The following ARHGAP20 variants were observed in gnomAD, a reference collection of about 807,000 sequenced individuals.
The protein encoded by ARHGAP20 is rho GTPase-activating protein 20.
In ARHGAP20, 34 loss-of-function variants were observed where a neutral mutation model predicts 73.7. The observed-to-expected ratio is 0.46, with a 90% CI of 0.35 to 0.61. ARHGAP20 has a LOEUF of 0.61. ARHGAP20 is among the 20% of genes least tolerant of loss of function. The probability of loss-of-function intolerance (pLI) is 0.00; values close to 1 mark genes in which losing one functional copy is unlikely to be tolerated. For missense variants in ARHGAP20, 1,314 were observed against 1,420.9 expected, an observed-to-expected ratio of 0.92 and a Z score of 1.21; for synonymous variants, 523 against 518.2, an observed-to-expected ratio of 1.01 and a Z score of -0.13.
At chr11:110,691,093 G>A in intron 1 of ARHGAP20, 1 of 1,060,906 alleles carries the variant, frequency 9.4e-7, no homozygotes, top group East Asian at 2.7e-5. Context: ...CAAAAGCACA[G>A]AGACTAGATT....
At chr11:110,628,362 C>G (rs368096317) in intron 3 of ARHGAP20, among the ~76,000 whole-genome samples, 3 of 152,264 alleles carry the variant, frequency 2.0e-5, no homozygotes, top group African/African-American at 7.2e-5. Flanking sequence ...TTTGGAATTA[C>G]AGGGACTATT....
intron 4 of ARHGAP20, among the ~76,000 whole-genome samples, chr11:110,616,819 AATCTG>A (rs1314007104): frequency 6.6e-6 from 1 of 152,072 alleles, no homozygotes; most frequent in Non-Finnish European, 1.5e-5. Flanking sequence ...ATTTAGCAAA[AATCTG>A]TTGAGAAACA....
chr11:110,624,009 A>G (rs1948683119), intron 4 of ARHGAP20, among the ~76,000 whole-genome samples, 153 bp downstream of exon 4: 1 of 152,252 alleles, frequency 6.6e-6, no homozygotes, highest in South Asian at 2.1e-4. Context: ...GTATGTGTCA[A>G]CAGATGAGTT....
intron 2 of ARHGAP20, among the ~76,000 whole-genome samples, chr11:110,648,792 T>A (rs546263399): frequency 1.3e-5 from 2 of 152,200 alleles, no homozygotes; most frequent in Non-Finnish European, 2.9e-5. Context: ...CCATGAAATG[T>A]TTTTAAGTCA....
chr11:110,649,970 A>G (rs1207615080), intron 2 of ARHGAP20, among the ~76,000 whole-genome samples: 1 of 152,118 alleles, frequency 6.6e-6, no homozygotes, highest in Non-Finnish European at 1.5e-5. Flanking sequence ...AATTACCTAC[A>G]TTTCTTGATC....
At chr11:110,603,250 C>A (rs967577397) in intron 9 of ARHGAP20, among the ~76,000 whole-genome samples, 1 of 152,112 alleles carries the variant, frequency 6.6e-6, no homozygotes, top group Admixed American at 6.5e-5. Context: ...CTCAGCACTG[C>A]TAGAGTTTCA....
At chr11:110,678,580 A>G (rs1949978474) in intron 2 of ARHGAP20, among the ~76,000 whole-genome samples, 1 of 152,226 alleles carries the variant, frequency 6.6e-6, no homozygotes, top group Non-Finnish European at 1.5e-5. Flanking sequence ...TAACTTGAAG[A>G]TTACTCTATT....
chr11:110,600,962 T>C (rs1948096020), intron 9 of ARHGAP20, among the ~76,000 whole-genome samples: 1 of 152,220 alleles, frequency 6.6e-6, no homozygotes, highest in African/African-American at 2.4e-5. Context: ...TGGCAATGAC[T>C]ATCTCACCAA....
chr11:110,665,869 T>C (rs1949713078), intron 2 of ARHGAP20, among the ~76,000 whole-genome samples: 1 of 152,072 alleles, frequency 6.6e-6, no homozygotes, highest in Non-Finnish European at 1.5e-5. Context: ...CTAATGAATA[T>C]AAGGCAAAGA....
chr11:110,635,301 C>T (rs768228726), intron 2 of ARHGAP20, among the ~76,000 whole-genome samples: 5 of 152,050 alleles, frequency 3.3e-5, no homozygotes, highest in African/African-American at 4.8e-5. Flanking sequence ...AATGCAAATT[C>T]TCGGGCCTTC....
chr11:110,703,329 A>C (rs1950493038), intron 1 of ARHGAP20, among the ~76,000 whole-genome samples: 1 of 152,212 alleles, frequency 6.6e-6, no homozygotes, highest in African/African-American at 2.4e-5. Flanking sequence ...TAAACATAAT[A>C]ATCTATGTAA....
intron 10 of ARHGAP20, 127 bp downstream of exon 10, chr11:110,591,850 T>A (rs922693512): frequency 4.2e-6 from 4 of 950,662 alleles, no homozygotes; most frequent in Non-Finnish European, 6.2e-6. Context: ...GGAGGAATAA[T>A]AGTGAAGATT....
At chr11:110,631,765 G>A (rs1008641844) in intron 2 of ARHGAP20, among the ~76,000 whole-genome samples, 4 of 152,142 alleles carry the variant, frequency 2.6e-5, no homozygotes, top group African/African-American at 9.7e-5. Context: ...CTCATACTGT[G>A]AGGGATTTAC....
rs1484961509 is a variant in ARHGAP20, at chr11:110,611,469, C to T, written c.631-83G>A. On this transcript the variant is annotated intron_variant, in intron 6 of 14. Coordinates refer to ENST00000683387, the MANE Select transcript of ARHGAP20 (RefSeq NM_001384657.1). ...CAAATAATCATTGTCAAATGATTAT[C>T]GAAAGGCAAATATTGATTTCAAATG... 19 of 663,276 alleles carry T rather than the reference C, an allele frequency of 2.9e-5. No homozygotes were observed. The Admixed American group carries it at 2.9e-4, about 10-fold the overall frequency. The allele number at this position is 663,276 out of a possible 1,614,324, so 41.1% of individuals were successfully genotyped here. A position where few individuals can be genotyped will look rare whatever the true frequency, so the allele number is the denominator to read the frequency against.
At chr11:110,583,470 T>C (rs544744773) in intron 13 of ARHGAP20, 78 bp downstream of exon 13, 3 of 1,267,804 alleles carry the variant, frequency 2.4e-6, no homozygotes, top group Admixed American at 2.8e-5. Context: ...TAAGAAATCA[T>C]CTTTTAGAAT....
chr11:110,700,824 G>A (rs1361845291), intron 1 of ARHGAP20, among the ~76,000 whole-genome samples: 1 of 146,052 alleles, frequency 6.8e-6, no homozygotes, highest in Non-Finnish European at 1.5e-5. Context: ...CCACCTAAGA[G>A]TGAGAATATG....
At chr11:110,609,113 A>G in intron 7 of ARHGAP20, 63 bp from the exon 8 acceptor site, 2 of 1,490,094 alleles carry the variant, frequency 1.3e-6, no homozygotes, top group Non-Finnish European at 1.8e-6. Flanking sequence ...GAATGAGGAC[A>G]CATTTTTTTT....
intron 2 of ARHGAP20, among the ~76,000 whole-genome samples, chr11:110,650,503 G>GA (rs1949325745): frequency 6.6e-6 from 1 of 152,076 alleles, no homozygotes; most frequent in African/African-American, 2.4e-5. Flanking sequence ...ACAGGATAAA[G>GA]AAAGTAACTA....
Position 110,675,306 on chromosome 11 carries a change from T to G in ARHGAP20, c.188+15241A>C, listed in dbSNP as rs984421488. Reference sequence around the variant, plus strand: ...AGACCACTTCTAATCTGGTCCTTATTTACTGTATTGGCCTCATTTCCTTTC... The same window carrying G: ...AGACCACTTCTAATCTGGTCCTTATGTACTGTATTGGCCTCATTTCCTTTC... On this transcript the variant is annotated intron_variant, in intron 2 of 14. Transcript: ENST00000683387. 3.3e-5 allele frequency among the ~76,000 whole-genome samples: 5 copies of G among 152,208 alleles called. No homozygotes were observed. The East Asian group carries it at 7.7e-4, about 23-fold the overall frequency.
Sources: gnomAD v4.1 joint callset for allele counts (sites outside exome capture counted in the v4.1 genomes callset) on GRCh38, gnomAD v4.1.1 for gene constraint, MANE v1.5 for transcripts, NCBI Gene and HGNC (gene_info 2026-07-23, HGNC 2026-07-21) for gene names.